The following STAB2 variants were observed in gnomAD, a reference collection of about 807,000 sequenced individuals.
STAB2 encodes the protein stabilin-2.
Under a neutral mutation model 338.1 loss-of-function variants are expected in STAB2, and 288 were observed. The observed-to-expected ratio is 0.85, with a 90% CI of 0.77 to 0.94. The LOEUF (loss-of-function observed/expected upper bound fraction) is 0.94, where lower values mean the gene tolerates loss of function less well. Ranked by LOEUF, STAB2 falls within the 40% of genes least tolerant of loss-of-function variation. STAB2 has a pLI of 0.00. For synonymous variants in STAB2, 1,202 were observed against 1,193.3 expected (o/e 1.01, Z -0.15); for missense variants, 3,141 against 3,210.1 (o/e 0.98, Z 0.52).
chr12:103,640,801 T>G (rs1244002351), intron 9 of STAB2, among the ~76,000 whole-genome samples: 1 of 152,206 alleles, frequency 6.6e-6, no homozygotes, highest in Non-Finnish European at 1.5e-5. Context: ...AGATCTAGGT[T>G]TAAGTCTCAG....
chr12:103,626,833 T>A (rs937575961), intron 5 of STAB2, among the ~76,000 whole-genome samples: 3 of 152,200 alleles, frequency 2.0e-5, no homozygotes, highest in African/African-American at 7.2e-5. Context: ...GACTGCTTGT[T>A]GGTTTAGAGA....
rs377652043 is a variant in STAB2 at position 103,645,946 on chromosome 12, AG to A, written c.1041-2742del. Reference sequence around the variant, plus strand: ...AGCCAATTCTTCATAAAAACCCCAAAGGCTTCATCAGTAAATGATCCCCCAA... The same window carrying A: ...AGCCAATTCTTCATAAAAACCCCAAAGCTTCATCAGTAAATGATCCCCCAA... On this transcript the variant is annotated intron_variant, in intron 9 of 68. Transcript: ENST00000388887. 1.3e-4 allele frequency among the ~76,000 whole-genome samples: 20 copies of A among 152,238 alleles called. No individual in the cohort carries two copies. The East Asian group carries it at 3.3e-3, about 25-fold the overall frequency.
rs753650592 is a variant in STAB2 at position 103,713,763 on chromosome 12, G to A, written c.4532G>A (p.Cys1511Tyr). Residue 1511 changes from cysteine (C) to tyrosine (Y), a missense_variant, in exon 42 of 69, where the codon TGC (cysteine) becomes TAC (tyrosine). Cys to Tyr is a radical substitution (Grantham distance 194). Transcript: ENST00000388887. ...KAGYTGDGIV[C>Y]LEINPCLENH... Reference sequence around the variant, plus strand: ...GGCTACACGGGTGATGGCATTGTGTGCCTGGGTAGGTGTCCTTCCCTCTTC... The same window carrying A: ...GGCTACACGGGTGATGGCATTGTGTACCTGGGTAGGTGTCCTTCCCTCTTC... 6.2e-7 allele frequency: 1 copy of A among 1,613,774 alleles called. No homozygotes were observed. The highest frequency in any genetic ancestry group is 8.5e-7 in the Non-Finnish European group (1 of 1,179,784).
intron 13 of STAB2, chr12:103,655,016 CTT>C: frequency 1.8e-6 from 1 of 569,130 alleles, no homozygotes; most frequent in Non-Finnish European, 3.0e-6. Context: ...TGCAATAAAA[CTT>C]ATTACTTCTG....
rs1489570160 is a variant in STAB2 at position 103,670,747 on chromosome 12, C to T, written c.2311C>T (p.Gln771Ter). The T allele has an allele frequency of 2.5e-6, 4 of 1,614,132 alleles. No individual in the cohort carries two copies. Among genetic ancestry groups the T allele is most frequent in the Non-Finnish European group, 3.4e-6 (4 of 1,180,014 alleles). ...GACATGCATTTGTGAGGAGGGCTTC[C>T]AAGGCTCCCAGTGTCAGTTCTGCTC... ...NGTCICEEGF[Q>*]GSQCQFCSDP... Residue 771 changes from glutamine (Q) to a stop codon, truncating the protein, a stop_gained, in exon 22 of 69, where the codon CAA becomes TAA. Transcript: ENST00000388887. LOFTEE classifies it high-confidence loss of function.
intron 25 of STAB2, among the ~76,000 whole-genome samples, chr12:103,678,884 C>T (rs1401258950): frequency 6.6e-6 from 1 of 152,076 alleles, no homozygotes; most frequent in African/African-American, 2.4e-5. Flanking sequence ...CCCTCTGTGG[C>T]TTTAGGCATC....
intron 51 of STAB2, among the ~76,000 whole-genome samples, chr12:103,734,980 T>C (rs1276508624): frequency 6.6e-6 from 1 of 152,194 alleles, no homozygotes; most frequent in Non-Finnish European, 1.5e-5. Flanking sequence ...GCCTCTTCTT[T>C]CTTATAAGAA....
chr12:103,640,374 AC>A, intron 9 of STAB2, 118 bp downstream of exon 9: 1 of 1,302,430 alleles, frequency 7.7e-7, no homozygotes, highest in Non-Finnish European at 1.1e-6. Flanking sequence ...ATCCACCCCC[AC>A]CCCACATAGT....
At chr12:103,705,563 T>C in intron 36 of STAB2, 69 bp from the exon 37 acceptor site, 1 of 1,336,554 alleles carries the variant, frequency 7.5e-7, no homozygotes, top group Middle Eastern at 1.8e-4. Context: ...ATCACCCACC[T>C]ACTTGCTTTC....
chr12:103,665,479 A>C (rs530715869), intron 18 of STAB2, among the ~76,000 whole-genome samples: 46 of 152,280 alleles, frequency 3.0e-4, no homozygotes, highest in African/African-American at 1.1e-3. Context: ...AGAAGCAGGA[A>C]ACCACTGCAA....
At chr12:103,589,583 C>A (rs1168957154) in intron 1 of STAB2, among the ~76,000 whole-genome samples, 1 of 152,150 alleles carries the variant, frequency 6.6e-6, no homozygotes. Flanking sequence ...AAATAAGAAT[C>A]AGGTGTCTTT....
chr12:103,594,343 A>G, intron 2 of STAB2, 52 bp from the exon 3 acceptor site: 1 of 1,371,292 alleles, frequency 7.3e-7, no homozygotes, highest in Non-Finnish European at 1.0e-6. Flanking sequence ...TACCACCTAG[A>G]GTAACTGCAT....
At chr12:103,620,702 A>G in intron 4 of STAB2, 149 bp downstream of exon 4, 1 of 762,408 alleles carries the variant, frequency 1.3e-6, no homozygotes, top group Non-Finnish European at 2.1e-6. Context: ...GAAGGTATTA[A>G]TTTTTTAAAA....
intron 9 of STAB2, among the ~76,000 whole-genome samples, chr12:103,640,691 A>G (rs922262821): frequency 6.6e-6 from 1 of 152,184 alleles, no homozygotes; most frequent in Non-Finnish European, 1.5e-5. Context: ...TGGACTCTAG[A>G]TTTCAAAAGA....
At chr12:103,683,367 A>T in intron 26 of STAB2, 67 bp downstream of exon 26, 1 of 1,426,858 alleles carries the variant, frequency 7.0e-7, no homozygotes, top group Non-Finnish European at 9.6e-7. Flanking sequence ...AGAAAGAAAG[A>T]TTATTTCCTG....
Position 103,727,824 on chromosome 12 carries a change from G to GCTTAA in STAB2, c.4935+478_4935+479insACTTA, listed in dbSNP as rs554195235. ...TGTCCAACACTGTTCTGAGTACCCG[G>GCTTAA]CTTAGAATGACTCATTTGGTCCTCA... On this transcript the variant is annotated intron_variant, in intron 47 of 68. Coordinates refer to ENST00000388887, the MANE Select transcript of STAB2 (RefSeq NM_017564.10). Among the ~76,000 whole-genome samples the GCTTAA allele has an allele frequency of 3.3e-5, 5 of 152,210 alleles. 1 individual carries two copies. In the South Asian group the frequency reaches 1.0e-3, roughly 32 times the overall value.
intron 3 of STAB2, among the ~76,000 whole-genome samples, chr12:103,595,277 A>G (rs768751616): frequency 1.3e-5 from 2 of 152,148 alleles, no homozygotes; most frequent in Non-Finnish European, 2.9e-5. Context: ...TTCATTCCCC[A>G]TCTTCTTAGA....
At chr12:103,736,428 T>A (rs1419141884) in intron 52 of STAB2, among the ~76,000 whole-genome samples, 1 of 152,228 alleles carries the variant, frequency 6.6e-6, no homozygotes, top group African/African-American at 2.4e-5. Context: ...GGTATTTGAA[T>A]TAGAATTGCA....
intron 15 of STAB2, among the ~76,000 whole-genome samples, 198 bp from the exon 16 acceptor site, chr12:103,660,133 T>C (rs1158471817): frequency 6.6e-6 from 1 of 152,250 alleles, no homozygotes; most frequent in Non-Finnish European, 1.5e-5. Context: ...CATATTATGC[T>C]TTCAAAACAG....
Sources: allele counts gnomAD v4.1 joint callset (sites outside exome capture counted in the v4.1 genomes callset), GRCh38; gene constraint gnomAD v4.1.1; transcripts MANE v1.5; gene names NCBI Gene and HGNC (gene_info 2026-07-23, HGNC 2026-07-21).